The following ZNF468 variants were observed in gnomAD, a reference collection of about 807,000 sequenced individuals.
The protein encoded by ZNF468 is zinc finger protein 468.
ZNF468 carries 8 observed loss-of-function variants against 7.2 expected under a neutral mutation model. That is an observed-to-expected ratio of 1.11 (90% CI 0.65 to 2.01). The LOEUF (loss-of-function observed/expected upper bound fraction) is 2.01, where lower values mean the gene tolerates loss of function less well. Ranked by LOEUF, ZNF468 falls within the 30% of genes most tolerant of loss-of-function variation. The pLI is 0.00. For synonymous variants in ZNF468, 218 were observed against 214.4 expected (o/e 1.02, Z -0.15); for missense variants, 608 against 626.5 (o/e 0.97, Z 0.31).
At chr19:52,847,625 A>T (rs1312029201) in intron 3 of ZNF468, among the ~76,000 whole-genome samples, 1 of 152,014 alleles carries the variant, frequency 6.6e-6, no homozygotes, top group Non-Finnish European at 1.5e-5. Context: ...GGAGGAAAGC[A>T]CCCCATGGCT....
chr19:52,854,131 A>G (rs1180290158), intron 2 of ZNF468, 127 bp downstream of exon 2: 1 of 1,589,066 alleles, frequency 6.3e-7, no homozygotes, highest in East Asian at 2.2e-5. Context: ...GAGGGACTGA[A>G]GGAAGGCATA....
intron 2 of ZNF468, chr19:52,849,482 G>A (rs994738306): frequency 1.2e-4 from 77 of 665,722 alleles, no homozygotes; most frequent in Non-Finnish European, 1.6e-4. Flanking sequence ...TAGGGTTCCT[G>A]TTATAAAAAT....
rs142043530 is a variant in ZNF468, at chr19:52,851,147, G to A, written c.16-1934C>T. ...AAAAATTAGCCACGGGTGATGGCAC[G>A]TGACTATAATCCCAGCTACCTGAAA... On this transcript the variant is annotated intron_variant, in intron 2 of 3. Coordinates refer to ENST00000595646, the MANE Select transcript of ZNF468 (RefSeq NM_001008801.2). Among the ~76,000 whole-genome samples the A allele has an allele frequency of 3.5e-3, 536 of 152,008 alleles. 5 individuals are homozygous for A. Among genetic ancestry groups the A allele is most frequent in the African/African-American group, 0.012 (503 of 41,456 alleles).
In ZNF468 at chr19:52,841,594, G is replaced by C. The variant is rs1195880596; in HGVS notation, c.700C>G (p.Gln234Glu). 2.5e-6 allele frequency: 4 copies of C among 1,613,890 alleles called. No individual in the cohort carries two copies. In the African/African-American group the frequency reaches 5.3e-5, roughly 22 times the overall value. ...FNCSSLLKKH[Q>E]IIHLEEKQCK... ...TGTTTCTCTTCTAAGTGAATTATCT[G>C]ATGTTTTTTTAAGAGTGAGCTGCAA... Residue 234 changes from glutamine (Q) to glutamate (E), a missense_variant, in exon 4 of 4, where the codon CAG becomes GAG. Gln to Glu is a conservative substitution (Grantham distance 29). Coordinates refer to ENST00000595646, the MANE Select transcript of ZNF468 (RefSeq NM_001008801.2).
At chr19:52,846,027 A>G (rs1490067215) in intron 3 of ZNF468, among the ~76,000 whole-genome samples, 1 of 152,144 alleles carries the variant, frequency 6.6e-6, no homozygotes, top group Non-Finnish European at 1.5e-5. Context: ...GTAATTAATT[A>G]ATAAAAGGAC....
chr19:52,841,257 GTA>G lies in ZNF468; in HGVS notation c.1035_1036del (p.Thr346TyrfsTer12), dbSNP rs1325491411. ...AGGTTTCTCTCCAGTGTGAAGTATA[GTA>G]TGTTTTGCCAGATATGAATTATATG... On this transcript the variant is annotated frameshift_variant, in exon 4 of 4. Transcript: ENST00000595646. LOFTEE classifies it low-confidence loss of function (END_TRUNC). 6.2e-7 allele frequency: 1 copy of G among 1,611,876 alleles called. No homozygotes were observed. Among genetic ancestry groups the G allele is most frequent in the Non-Finnish European group, 8.5e-7 (1 of 1,179,384 alleles).
At chr19:52,847,517 A>T (rs1420701147) in intron 3 of ZNF468, among the ~76,000 whole-genome samples, 1 of 151,468 alleles carries the variant, frequency 6.6e-6, no homozygotes, top group Non-Finnish European at 1.5e-5. Context: ...GCCTCTTTGC[A>T]GTTGAGATAA....
Position 52,841,244 on chromosome 19 carries a change from A to G in ZNF468, c.1050T>C (p.Thr350=). ...SYLAKHTILH[T]GEKPYTCNEC... ...CATTACATGTGTAAGGTTTCTCTCC[A>G]GTGTGAAGTATAGTATGTTTTGCCA... Residue 350 remains threonine (T), a synonymous_variant, in exon 4 of 4, where the codon ACT becomes ACC. Coordinates refer to ENST00000595646, the MANE Select transcript of ZNF468 (RefSeq NM_001008801.2). The G allele has an allele frequency of 1.1e-5, 18 of 1,613,892 alleles. No individual in the cohort carries two copies. Among genetic ancestry groups the G allele is most frequent in the Non-Finnish European group, 1.5e-5 (18 of 1,179,976 alleles).
chr19:52,850,966 A>G (rs2904232), intron 2 of ZNF468, among the ~76,000 whole-genome samples: 32,890 of 151,494 alleles, frequency 0.22, 3,985 homozygotes, highest in Admixed American at 0.35. Flanking sequence ...AAATATAACA[A>G]TATATATTTA....
chr19:52,855,991 T>G (rs74385756), intron 1 of ZNF468, among the ~76,000 whole-genome samples: 2 of 127,924 alleles, frequency 1.6e-5, no homozygotes, highest in Non-Finnish European at 1.8e-5. Flanking sequence ...ATGGGATGGG[T>G]TGGTCTTATC....
At chr19:52,857,156 G>C (rs1171603712) in intron 1 of ZNF468, among the ~76,000 whole-genome samples, 1 of 151,886 alleles carries the variant, frequency 6.6e-6, no homozygotes, top group East Asian at 1.9e-4. Context: ...GGTGGGATCC[G>C]CAGGATCCCA....
Position 52,840,909 on chromosome 19 carries a change from G to A in ZNF468, c.1385C>T (p.Thr462Ile), listed in dbSNP as rs758596216. ...ATTACACTTGTAAGGTTTCTCTCCA[G>A]TATGAACTCTCTGATGTTGTGCCAG... ...SHLAQHQRVH[T>I]GEKPYKCNEC... is the part of the protein sequence containing the mutation. The change falls in exon 4 of 4, where the codon ACT (threonine) becomes ATT (isoleucine). Residue 462 changes from threonine (T) to isoleucine (I), a missense_variant. By Grantham distance (89) the Thr-to-Ile change is moderately conservative. Coordinates refer to ENST00000595646, the MANE Select transcript of ZNF468 (RefSeq NM_001008801.2). The A allele has an allele frequency of 6.2e-7, 1 of 1,613,954 alleles. No individual in the cohort carries two copies. The highest frequency in any genetic ancestry group is 1.7e-5 in the Admixed American group (1 of 59,988).
At chr19:52,856,753 C>T (rs2063443705) in intron 1 of ZNF468, among the ~76,000 whole-genome samples, 1 of 151,040 alleles carries the variant, frequency 6.6e-6, no homozygotes, top group Non-Finnish European at 1.5e-5. Flanking sequence ...AGTTGCTTTT[C>T]TCCTCCTGCT....
rs1568675174 is a variant in ZNF468, at chr19:52,841,877, C to T, written c.417G>A (p.Gln139=). 1.9e-6 allele frequency: 3 copies of T among 1,614,120 alleles called. No individual in the cohort carries two copies. Among genetic ancestry groups the T allele is most frequent in the Non-Finnish European group, 2.5e-6 (3 of 1,180,024 alleles). The change falls in exon 4 of 4, where the codon CAG becomes CAA. Residue 139 remains glutamine (Q), a synonymous_variant. Coordinates refer to ENST00000595646, the MANE Select transcript of ZNF468 (RefSeq NM_001008801.2). ...RHAGNKRIKD[Q]LGSSFHLHLP... ...GATGCAAATGAAAGCTTGATCCAAG[C>T]TGATCTTTAATACGCTTGTTTCCAG...
At chr19:52,851,051 T>A (rs2063385826) in intron 2 of ZNF468, among the ~76,000 whole-genome samples, 1 of 151,982 alleles carries the variant, frequency 6.6e-6, no homozygotes, top group Non-Finnish European at 1.5e-5. Flanking sequence ...AGCAGACAGA[T>A]CACCTGAGGT....
intron 2 of ZNF468, among the ~76,000 whole-genome samples, chr19:52,852,081 CG>C (rs1168946724): frequency 6.6e-6 from 1 of 151,930 alleles, no homozygotes; most frequent in South Asian, 2.1e-4. Context: ...AAATAACTAT[CG>C]GGCCCGGGCA....
chr19:52,856,936 G>A (rs2063445447), intron 1 of ZNF468, among the ~76,000 whole-genome samples: 1 of 152,092 alleles, frequency 6.6e-6, no homozygotes, highest in African/African-American at 2.4e-5. Flanking sequence ...TCACAAGAGG[G>A]TTTGGAGTAA....
At chr19:52,842,972 A>T (rs2063317596) in intron 3 of ZNF468, among the ~76,000 whole-genome samples, 1 of 151,762 alleles carries the variant, frequency 6.6e-6, no homozygotes. Context: ...AGACACAAAA[A>T]GTAGCTGGTA....
In ZNF468 at chr19:52,850,132, G is replaced by C. The variant is rs540409365; in HGVS notation, c.16-919C>G. Among the ~76,000 whole-genome samples, 8 of 152,188 alleles carry C rather than the reference G, an allele frequency of 5.3e-5. No homozygotes were observed. The East Asian group carries it at 1.2e-3, about 22-fold the overall frequency. ...TGTGTGTGCATGTGTGTGGGGATGTGTATGTACATATATAAAGTTTTTAAA... is the reference window on the plus strand; with the variant it reads ...TGTGTGTGCATGTGTGTGGGGATGTCTATGTACATATATAAAGTTTTTAAA... On this transcript the variant is annotated intron_variant, in intron 2 of 3. Coordinates refer to ENST00000595646, the MANE Select transcript of ZNF468 (RefSeq NM_001008801.2).
Sources: allele counts gnomAD v4.1 joint callset (sites outside exome capture counted in the v4.1 genomes callset), GRCh38; gene constraint gnomAD v4.1.1; transcripts MANE v1.5; gene names NCBI Gene and HGNC (gene_info 2026-07-23, HGNC 2026-07-21).